The following PFDN4 variants were observed in gnomAD, a reference collection of about 807,000 sequenced individuals.
The protein encoded by PFDN4 is prefoldin 4.
A neutral mutation model predicts 17.6 loss-of-function variants in PFDN4; 6 were observed. The observed-to-expected ratio is 0.34, with a 90% CI of 0.19 to 0.67. The LOEUF is 0.67. PFDN4 is among the 30% of genes least tolerant of loss of function. The pLI, the probability that PFDN4 is intolerant of heterozygous loss-of-function variation, is 0.68. For missense variants in PFDN4, 119 were observed against 158.4 expected (o/e 0.75, Z 1.33); for synonymous variants, 48 against 51.1 (o/e 0.94, Z 0.26).
At chr20:54,213,374 G>T (rs949310233) in intron 1 of PFDN4, among the ~76,000 whole-genome samples, 1 of 152,092 alleles carries the variant, frequency 6.6e-6, no homozygotes, top group Non-Finnish European at 1.5e-5. Flanking sequence ...ACATCCTGCT[G>T]CCTCTTCCAG....
rs981025422 is a variant in PFDN4 at position 54,215,415 on chromosome 20, C to T, written c.248C>T (p.Thr83Met). The change falls in exon 3 of 4, where the codon ACG becomes ATG. Residue 83 changes from threonine to methionine, a missense_variant. By Grantham distance (81) the Thr-to-Met change is moderately conservative. Transcript: ENST00000371419. ...DVFISHSQEE[T>M]QEMLEEAKKN... is the part of the protein sequence containing the mutation. ...TTCATTAGCCATTCTCAAGAAGAAA[C>T]GCAAGAAATGTTAGAAGAAGCAAAG... 8.8e-6 allele frequency: 14 copies of T among 1,597,492 alleles called. No individual in the cohort carries two copies. The highest frequency in any genetic ancestry group is 2.7e-5 in the African/African-American group (2 of 74,522).
In PFDN4 at chr20:54,215,346, C is replaced by T; in HGVS notation, c.179C>T (p.Ala60Val). The change falls in exon 3 of 4, where the codon GCA becomes GTA. Residue 60 changes from alanine (A) to valine (V), a missense_variant. Ala to Val is a moderately conservative substitution (Grantham distance 64). Around this residue, in one of 3 missense-constraint regions of PFDN4, gnomAD observed 81 missense variants for 111.7 expected, o/e 0.73. Transcript: ENST00000371419. ...GATGCTTGTGATGACATCATGCTTGCAGATGATGATTGCTTAATGATACCT... is the reference window on the plus strand; with the variant it reads ...GATGCTTGTGATGACATCATGCTTGTAGATGATGATTGCTTAATGATACCT... The part of the protein sequence containing the change: ...LEDACDDIML[A>V]DDDCLMIPYQ... The T allele has an allele frequency of 6.3e-7, 1 of 1,599,988 alleles. No homozygotes were observed. The highest frequency in any genetic ancestry group is 8.5e-7 in the Non-Finnish European group (1 of 1,169,754).
chr20:54,215,687 A>C (rs569795977), intron 3 of PFDN4, among the ~76,000 whole-genome samples: 1 of 152,388 alleles, frequency 6.6e-6, no homozygotes, highest in Non-Finnish European at 1.5e-5. Context: ...ACACATAGAC[A>C]GTGGTCTTCT....
chr20:54,219,688 A>G lies in PFDN4; in HGVS notation c.*538A>G, dbSNP rs1358780623. On this transcript the variant is annotated 3_prime_UTR_variant, in exon 4 of 4. Coordinates refer to ENST00000371419, the MANE Select transcript of PFDN4 (RefSeq NM_002623.4). ...CATTTTTTACATATCTATCAATATC[A>G]GAGATTTGGGTAAAAGAATGGGTAA... 3 of 398,066 alleles carry G rather than the reference A, an allele frequency of 7.5e-6. No individual in the cohort carries two copies. Among genetic ancestry groups the G allele is most frequent in the African/African-American group, 6.2e-5 (3 of 48,588 alleles). 24.7% of individuals were successfully genotyped at this position (398,066 alleles called of 1,614,324 possible). A position where few individuals can be genotyped will look rare whatever the true frequency, so the allele number is the denominator to read the frequency against.
rs1292405400 is a variant in PFDN4 at position 54,219,258 on chromosome 20, T to A, written c.*108T>A. 2 of 662,720 alleles carry A rather than the reference T, an allele frequency of 3.0e-6. No homozygotes were observed. Among genetic ancestry groups the A allele is most frequent in the Non-Finnish European group, 4.8e-6 (2 of 418,858 alleles). 41.1% of individuals were successfully genotyped at this position (662,720 alleles called of 1,614,324 possible). On this transcript the variant is annotated 3_prime_UTR_variant, in exon 4 of 4. Transcript: ENST00000371419. Reference sequence around the variant, plus strand: ...AAAGCAAAACTTTCTTTTTTAAAAATTTTCATTTATTTAATGGAAACTTGC... The same window carrying A: ...AAAGCAAAACTTTCTTTTTTAAAAAATTTCATTTATTTAATGGAAACTTGC...
At chr20:54,215,535 A>AGC in intron 3 of PFDN4, 95 bp downstream of exon 3, 2 of 766,172 alleles carry the variant, frequency 2.6e-6, no homozygotes, top group Non-Finnish European at 4.1e-6. Context: ...AGCTATAGCT[A>AGC]ATATTTACTG....
At chr20:54,211,911 G>A (rs1487940904) in intron 1 of PFDN4, among the ~76,000 whole-genome samples, 2 of 152,040 alleles carry the variant, frequency 1.3e-5, no homozygotes, top group East Asian at 3.9e-4. Flanking sequence ...ACCCACTTCT[G>A]GCTGGGCGTG....
At chr20:54,216,347 A>G (rs1220415423) in intron 3 of PFDN4, among the ~76,000 whole-genome samples, 1 of 152,218 alleles carries the variant, frequency 6.6e-6, no homozygotes, top group Non-Finnish European at 1.5e-5. Context: ...CTGATTGCTT[A>G]AAATGATAGT....
intron 1 of PFDN4, among the ~76,000 whole-genome samples, chr20:54,211,715 C>A (rs2092756068): frequency 6.6e-6 from 1 of 152,190 alleles, no homozygotes; most frequent in South Asian, 2.1e-4. Context: ...AGAGTAGCTA[C>A]AGCTGGTTTC....
rs2092761289 is a variant in PFDN4, at chr20:54,215,418, A to C, written c.251A>C (p.Gln84Pro). The change falls in exon 3 of 4, where the codon CAA becomes CCA. Residue 84 changes from glutamine to proline, a missense_variant. Gln to Pro is a moderately conservative substitution (Grantham distance 76, BLOSUM62 -1). Around this residue, in one of 3 missense-constraint regions of PFDN4, gnomAD observed 81 missense variants for 111.7 expected, o/e 0.73. Coordinates refer to ENST00000371419, the MANE Select transcript of PFDN4 (RefSeq NM_002623.4). ...ATTAGCCATTCTCAAGAAGAAACGC[A>C]AGAAATGTTAGAAGAAGCAAAGGTA... ...VFISHSQEET[Q>P]EMLEEAKKNL... 2 of 1,602,668 alleles carry C rather than the reference A, an allele frequency of 1.2e-6. No homozygotes were observed. The highest frequency in any genetic ancestry group is 1.3e-5 in the African/African-American group (1 of 74,690).
chr20:54,216,873 T>G (rs1354076854), intron 3 of PFDN4, among the ~76,000 whole-genome samples: 1 of 152,042 alleles, frequency 6.6e-6, no homozygotes, highest in Non-Finnish European at 1.5e-5. Context: ...GGCAGACTGG[T>G]CTCGAACTCC....
intron 1 of PFDN4, among the ~76,000 whole-genome samples, chr20:54,213,617 G>GATTGCAGGATTAGCAGAGATAATA (rs1241870662): frequency 6.6e-6 from 1 of 152,192 alleles, no homozygotes; most frequent in Non-Finnish European, 1.5e-5. Flanking sequence ...TAATAAGATG[G>GATTGCAGGATTAGCAGAGATAATA]ATTGCAGGAT....
At chr20:54,211,288 C>T (rs933734077) in intron 1 of PFDN4, among the ~76,000 whole-genome samples, 5 of 152,204 alleles carry the variant, frequency 3.3e-5, no homozygotes, top group Non-Finnish European at 5.9e-5. Flanking sequence ...TCAGTTTCCT[C>T]CTCTAATCCC....
intron 3 of PFDN4, among the ~76,000 whole-genome samples, chr20:54,217,856 C>T (rs913567786): frequency 5.3e-5 from 8 of 152,114 alleles, no homozygotes; most frequent in East Asian, 1.9e-4. Flanking sequence ...ACTTAGCATG[C>T]GTGAGAATCA....
intron 1 of PFDN4, chr20:54,208,495 G>T (rs1303088446): frequency 8.7e-6 from 2 of 229,732 alleles, no homozygotes; most frequent in Non-Finnish European, 8.0e-6. Context: ...CTCGGGCGTT[G>T]CACCGGCATG....
chr20:54,215,896 G>A lies in PFDN4; in HGVS notation c.273+456G>A, dbSNP rs2092761817. ...TGGGACAATTAATGTTCCAGGAGGA[G>A]CATTTTTGCTGGTTTCATTGAATGT... is the stretch of plus-strand genomic sequence containing the variant. On this transcript the variant is annotated intron_variant, in intron 3 of 3. Coordinates refer to ENST00000371419, the MANE Select transcript of PFDN4 (RefSeq NM_002623.4). Among the ~76,000 whole-genome samples, 4 of 152,332 alleles carry A rather than the reference G, an allele frequency of 2.6e-5. No homozygotes were observed. In the South Asian group the frequency reaches 8.3e-4, roughly 32 times the overall value.
intron 1 of PFDN4, chr20:54,208,658 CAG>C (rs2092751516): frequency 8.4e-6 from 1 of 118,512 alleles, no homozygotes; most frequent in African/African-American, 3.7e-5. Flanking sequence ...TAGCAGGCCC[CAG>C]AGACCCTGTG....
At chr20:54,210,286 T>G (rs2092754043) in intron 1 of PFDN4, among the ~76,000 whole-genome samples, 1 of 152,212 alleles carries the variant, frequency 6.6e-6, no homozygotes, top group South Asian at 2.1e-4. Flanking sequence ...AAGAGTCACA[T>G]GATAGATGCA....
intron 1 of PFDN4, 65 bp downstream of exon 1, chr20:54,208,189 G>T: frequency 7.0e-7 from 1 of 1,430,846 alleles, no homozygotes. Context: ...TGGGGCCCGG[G>T]CGCGGGATGC....
Sources: gnomAD v4.1 joint callset for allele counts (sites outside exome capture counted in the v4.1 genomes callset) on GRCh38, gnomAD v4.1.1 for gene constraint, gnomAD v4.1.1 regional missense constraint, MANE v1.5 for transcripts, NCBI Gene and HGNC (gene_info 2026-07-23, HGNC 2026-07-21) for gene names.